The following PLBD1 variants were observed in gnomAD, a reference collection of about 807,000 sequenced individuals.
PLBD1 encodes phospholipase B domain containing 1.
A neutral mutation model predicts 63.0 loss-of-function variants in PLBD1; 60 were observed. That is an observed-to-expected ratio of 0.95 (90% CI 0.77 to 1.18). The LOEUF is 1.18. PLBD1 is among the 50% of genes most tolerant of loss of function. The pLI is 0.00. For missense variants in PLBD1, 598 were observed against 677.9 expected, an observed-to-expected ratio of 0.88 and a Z score of 1.31; for synonymous variants, 262 against 248.0, an observed-to-expected ratio of 1.06 and a Z score of -0.53.
At chr12:14,565,144 C>T (rs552272280) in intron 1 of PLBD1, among the ~76,000 whole-genome samples, 1 of 152,044 alleles carries the variant, frequency 6.6e-6, no homozygotes, top group Non-Finnish European at 1.5e-5. Flanking sequence ...TATAGAGTAA[C>T]CTTTACAAAT....
chr12:14,538,067 G>A (rs1390895346), intron 4 of PLBD1, among the ~76,000 whole-genome samples: 1 of 151,842 alleles, frequency 6.6e-6, no homozygotes, highest in Non-Finnish European at 1.5e-5. Flanking sequence ...ATACATGGTA[G>A]TGTGTCATAT....
intron 2 of PLBD1, 22 bp from the exon 3 acceptor site, chr12:14,542,313 A>G: frequency 6.5e-7 from 1 of 1,530,758 alleles, no homozygotes; most frequent in Non-Finnish European, 9.0e-7. Flanking sequence ...CATGAAAATT[A>G]TTACATTTAT....
intron 2 of PLBD1, among the ~76,000 whole-genome samples, chr12:14,545,560 A>C (rs1214210142): frequency 6.6e-6 from 1 of 152,174 alleles, no homozygotes; most frequent in Non-Finnish European, 1.5e-5. Context: ...ATATTTACCT[A>C]CAGTCCTCGT....
At chr12:14,550,084 G>A (rs933947260) in intron 2 of PLBD1, among the ~76,000 whole-genome samples, 2 of 152,170 alleles carry the variant, frequency 1.3e-5, no homozygotes, top group African/African-American at 4.8e-5. Context: ...GCCAAACGCA[G>A]TAGTTCTCTT....
At chr12:14,564,979 C>G (rs542453043) in intron 1 of PLBD1, among the ~76,000 whole-genome samples, 23 of 152,214 alleles carry the variant, frequency 1.5e-4, no homozygotes, top group Middle Eastern at 3.4e-3. Context: ...TCTATACATA[C>G]CACTTAGAAA....
At chr12:14,561,576 CAG>C (rs1297212469) in intron 1 of PLBD1, among the ~76,000 whole-genome samples, 3 of 152,130 alleles carry the variant, frequency 2.0e-5, no homozygotes, top group Non-Finnish European at 4.4e-5. Flanking sequence ...TGTTTTGAGA[CAG>C]AGTTTCGCTC....
chr12:14,505,576 A>T (rs1464728825), intron 10 of PLBD1, among the ~76,000 whole-genome samples: 1 of 152,214 alleles, frequency 6.6e-6, no homozygotes, highest in Non-Finnish European at 1.5e-5. Flanking sequence ...TGGTTCCTGC[A>T]TGTCTATAAG....
intron 9 of PLBD1, among the ~76,000 whole-genome samples, 154 bp from the exon 10 acceptor site, chr12:14,506,422 C>G (rs1282575895): frequency 1.3e-5 from 2 of 152,220 alleles, no homozygotes; most frequent in African/African-American, 4.8e-5. Flanking sequence ...AGAGACATCT[C>G]CCTTGGCTTG....
At chr12:14,562,904 G>A (rs1489706768) in intron 1 of PLBD1, among the ~76,000 whole-genome samples, 1 of 152,100 alleles carries the variant, frequency 6.6e-6, no homozygotes, top group Non-Finnish European at 1.5e-5. Flanking sequence ...CATGTCTAAA[G>A]AAGTATGAAA....
At chr12:14,560,017 C>T (rs138503096) in intron 1 of PLBD1, among the ~76,000 whole-genome samples, 7 of 152,060 alleles carry the variant, frequency 4.6e-5, no homozygotes, top group African/African-American at 1.7e-4. Flanking sequence ...TGCGCCGCCA[C>T]GCCTGGCTAA....
intron 3 of PLBD1, among the ~76,000 whole-genome samples, 179 bp downstream of exon 3, chr12:14,542,029 T>A (rs769840955): frequency 6.6e-6 from 1 of 152,208 alleles, no homozygotes; most frequent in Non-Finnish European, 1.5e-5. Context: ...TTAGAGAGCA[T>A]GTTGTCTGCA....
chr12:14,525,958 C>G (rs1447115274), intron 6 of PLBD1, among the ~76,000 whole-genome samples: 1 of 151,410 alleles, frequency 6.6e-6, no homozygotes, highest in Non-Finnish European at 1.5e-5. Context: ...ATCACAAGCC[C>G]CAGGGACAAC....
intron 6 of PLBD1, among the ~76,000 whole-genome samples, chr12:14,532,535 G>C (rs1945474415): frequency 6.6e-6 from 1 of 152,214 alleles, no homozygotes; most frequent in Non-Finnish European, 1.5e-5. Context: ...CGTTCTGACA[G>C]CTCAGTTATG....
At chr12:14,504,463 A>G (rs1226497472) in intron 10 of PLBD1, among the ~76,000 whole-genome samples, 2 of 152,254 alleles carry the variant, frequency 1.3e-5, no homozygotes, top group African/African-American at 4.8e-5. Context: ...GAAATGAACA[A>G]TGTAGCCAAA....
intron 1 of PLBD1, among the ~76,000 whole-genome samples, chr12:14,556,032 A>C (rs1305249925): frequency 6.6e-6 from 1 of 152,210 alleles, no homozygotes; most frequent in Non-Finnish European, 1.5e-5. Flanking sequence ...GAAACAAGGA[A>C]ATAAGACATG....
intron 6 of PLBD1, among the ~76,000 whole-genome samples, chr12:14,526,905 G>A (rs12298474): frequency 2.4e-3 from 362 of 152,278 alleles, no homozygotes; most frequent in African/African-American, 7.8e-3. Context: ...CCGGGAGGTG[G>A]AAGTTGCAGT....
At position 14,503,769 on chromosome 12, in the gene PLBD1, C is replaced by A; in HGVS notation, c.*3G>T. 1 of 1,610,414 alleles carries A rather than the reference C, an allele frequency of 6.2e-7. No individual in the cohort carries two copies. Among genetic ancestry groups the A allele is most frequent in the Non-Finnish European group, 8.5e-7 (1 of 1,176,910 alleles). ...CAGTCTTCTAGTCCGTCATCTCCCTCCTTCATTTTATATCAAGTTTCAAAA... is the reference window on the plus strand; with the variant it reads ...CAGTCTTCTAGTCCGTCATCTCCCTACTTCATTTTATATCAAGTTTCAAAA... On this transcript the variant is annotated 3_prime_UTR_variant, in exon 11 of 11. Transcript: ENST00000240617.
At chr12:14,546,087 C>T (rs1342325811) in intron 2 of PLBD1, among the ~76,000 whole-genome samples, 1 of 151,968 alleles carries the variant, frequency 6.6e-6, no homozygotes, top group Admixed American at 6.6e-5. Flanking sequence ...TTTGGGAAGC[C>T]GAGGTTGGTG....
chr12:14,541,943 T>C (rs1862013), intron 3 of PLBD1, among the ~76,000 whole-genome samples: 37,231 of 152,084 alleles, frequency 0.24, 5,358 homozygotes, highest in Admixed American at 0.33. Flanking sequence ...ACTGGTACTT[T>C]ACACTGGTGA....
Sources: allele counts gnomAD v4.1 joint callset (sites outside exome capture counted in the v4.1 genomes callset), GRCh38; gene constraint gnomAD v4.1.1; transcripts MANE v1.5; gene names NCBI Gene and HGNC (gene_info 2026-07-23, HGNC 2026-07-21).